LUZP2: variants seen among roughly 807,000 people sequenced by gnomAD.
LUZP2 encodes leucine zipper protein 2.
A neutral mutation model predicts 51.6 loss-of-function variants in LUZP2; 52 were observed. The ratio of observed to expected loss-of-function variants is 1.01; its 90% CI spans 0.81 to 1.27. The LOEUF (loss-of-function observed/expected upper bound fraction) is 1.27. Among genes scored for constraint, LUZP2 ranks in the 50% most tolerant of loss-of-function variants. The pLI is 0.00. For missense variants in LUZP2, 436 were observed against 395.4 expected (o/e 1.10, Z -0.87); for synonymous variants, 154 against 137.3 (o/e 1.12, Z -0.85).
intron 6 of LUZP2, 35 bp downstream of exon 6, chr11:24,906,088 G>A (rs1205749739): frequency 2.7e-6 from 4 of 1,501,060 alleles, no homozygotes; most frequent in Non-Finnish European, 2.8e-6. Flanking sequence ...GCTTTAACCA[G>A]ATAAAAACAG....
intron 1 of LUZP2, among the ~76,000 whole-genome samples, chr11:24,599,733 G>A (rs942544518): frequency 6.6e-6 from 1 of 152,122 alleles, no homozygotes; most frequent in Non-Finnish European, 1.5e-5. Context: ...ACATCTGAGA[G>A]TCTCATCGAA....
At chr11:24,928,806 C>G (rs1590743454) in intron 7 of LUZP2, among the ~76,000 whole-genome samples, 1 of 152,112 alleles carries the variant, frequency 6.6e-6, no homozygotes, top group South Asian at 2.1e-4. Flanking sequence ...AGATTGGTAC[C>G]AATTCTTCTT....
chr11:24,538,509 C>T (rs566417601), intron 1 of LUZP2, among the ~76,000 whole-genome samples: 1 of 151,742 alleles, frequency 6.6e-6, no homozygotes, highest in Admixed American at 6.6e-5. Context: ...CTAAATTGTA[C>T]ACCTTAAATA....
intron 5 of LUZP2, among the ~76,000 whole-genome samples, chr11:24,848,661 C>T (rs752088234): frequency 6.6e-6 from 1 of 152,134 alleles, no homozygotes; most frequent in Non-Finnish European, 1.5e-5. Flanking sequence ...CCTTACTGCT[C>T]CATCTTTGGC....
chr11:24,641,042 T>G (rs955690892), intron 1 of LUZP2, among the ~76,000 whole-genome samples: 1 of 151,300 alleles, frequency 6.6e-6, no homozygotes, highest in South Asian at 2.1e-4. Flanking sequence ...GCCTCCCAAG[T>G]AGCTAGGAGT....
At chr11:24,677,566 C>G (rs1004387120) in intron 1 of LUZP2, among the ~76,000 whole-genome samples, 3 of 152,200 alleles carry the variant, frequency 2.0e-5, no homozygotes, top group African/African-American at 7.2e-5. Flanking sequence ...CCTTATGTCA[C>G]TTTTCTGCAA....
intron 1 of LUZP2, among the ~76,000 whole-genome samples, chr11:24,614,022 T>G (rs1464934369): frequency 6.6e-6 from 1 of 152,036 alleles, no homozygotes; most frequent in Non-Finnish European, 1.5e-5. Context: ...GTTTATGAGC[T>G]TGTTTCTCTT....
intron 1 of LUZP2, among the ~76,000 whole-genome samples, chr11:24,633,597 G>A (rs1004370340): frequency 4.6e-5 from 7 of 151,644 alleles, no homozygotes; most frequent in African/African-American, 1.5e-4. Flanking sequence ...CAAAATTTTA[G>A]GCAAGTAATA....
intron 1 of LUZP2, among the ~76,000 whole-genome samples, chr11:24,553,546 G>A (rs771726611): frequency 6.6e-6 from 1 of 151,936 alleles, no homozygotes; most frequent in African/African-American, 2.4e-5. Context: ...ATACACATTG[G>A]CAAATTAGAT....
chr11:24,737,017 G>T (rs2133980956), intron 3 of LUZP2, among the ~76,000 whole-genome samples: 1 of 152,138 alleles, frequency 6.6e-6, no homozygotes, highest in South Asian at 2.1e-4. Context: ...TCAGTCTCAA[G>T]GCTAATTAAG....
In LUZP2 at chr11:24,524,585, A is replaced by T. The variant is rs542920314; in HGVS notation, c.62+27280A>T. On this transcript the variant is annotated intron_variant, in intron 1 of 11. Transcript: ENST00000336930. ...TTACTAAGCAAGAGCACCATTGTTT[A>T]TAATTTAGTCCATTAACTCTTTTAG... is the stretch of plus-strand genomic sequence containing the variant. Among the ~76,000 whole-genome samples, 400 of 151,882 alleles carry T rather than the reference A, an allele frequency of 2.6e-3. 1 individual carries two copies. Among genetic ancestry groups the T allele is most frequent in the Non-Finnish European group, 4.1e-3 (277 of 67,738 alleles).
chr11:24,648,687 A>C (rs540420283), intron 1 of LUZP2, among the ~76,000 whole-genome samples: 1 of 152,050 alleles, frequency 6.6e-6, no homozygotes, highest in East Asian at 1.9e-4. Context: ...ATCAGAATGG[A>C]GTAATGATCC....
chr11:25,069,281 C>G (rs112085889), intron 10 of LUZP2, among the ~76,000 whole-genome samples: 1 of 151,920 alleles, frequency 6.6e-6, no homozygotes. Context: ...ACAGCAATAA[C>G]TTTATGACCT....
chr11:24,660,653 A>G (rs1455585328), intron 1 of LUZP2, among the ~76,000 whole-genome samples: 1 of 152,166 alleles, frequency 6.6e-6, no homozygotes, highest in Non-Finnish European at 1.5e-5. Context: ...TTTTAGAAAG[A>G]CTTTGTGCAA....
At chr11:24,655,582 G>A (rs1319854344) in intron 1 of LUZP2, among the ~76,000 whole-genome samples, 1 of 152,212 alleles carries the variant, frequency 6.6e-6, no homozygotes, top group East Asian at 1.9e-4. Flanking sequence ...GCAAAATATT[G>A]TACAGTTCAG....
chr11:24,731,543 A>T (rs1315725295), intron 2 of LUZP2, among the ~76,000 whole-genome samples: 4 of 151,772 alleles, frequency 2.6e-5, no homozygotes, highest in Non-Finnish European at 5.9e-5. Context: ...TATAAACACT[A>T]AGGACTGAAG....
chr11:24,896,625 C>T (rs1488772878), intron 5 of LUZP2, among the ~76,000 whole-genome samples: 1 of 152,100 alleles, frequency 6.6e-6, no homozygotes, highest in Non-Finnish European at 1.5e-5. Context: ...CTGACAGGCG[C>T]TGCCCCCTGC....
At chr11:24,625,218 C>T (rs1014804383) in intron 1 of LUZP2, among the ~76,000 whole-genome samples, 5 of 151,818 alleles carry the variant, frequency 3.3e-5, no homozygotes, top group African/African-American at 1.2e-4. Flanking sequence ...GGTCAAAGGG[C>T]ACAAAATGTC....
intron 10 of LUZP2, among the ~76,000 whole-genome samples, chr11:25,055,011 C>CTTTTTTT (rs71044332): frequency 3.3e-4 from 26 of 79,018 alleles, no homozygotes; most frequent in African/African-American, 1.1e-3. Context: ...TTTTTCTTTT[C>CTTTTTTT]TTTTTTTTTT....
Sources: gnomAD v4.1 joint callset for allele counts (sites outside exome capture counted in the v4.1 genomes callset) on GRCh38, gnomAD v4.1.1 for gene constraint, MANE v1.5 for transcripts, NCBI Gene and HGNC (gene_info 2026-07-23, HGNC 2026-07-21) for gene names.